Variants in MYPN observed in about 807,000 individuals in gnomAD.
MYPN encodes the protein myopalladin.
MYPN carries 63 observed loss-of-function variants against 129.4 expected under a neutral mutation model. The observed-to-expected ratio is 0.49, with a 90% CI of 0.40 to 0.60. MYPN has a LOEUF of 0.60. Among genes scored for constraint, MYPN ranks in the 20% least tolerant of loss-of-function variants. MYPN has a pLI of 0.00. For synonymous variants in MYPN, 629 were observed against 600.9 expected (o/e 1.05, Z -0.68); for missense variants, 1,596 against 1,635.4 (o/e 0.98, Z 0.42).
Position 68,089,700 on chromosome 10 carries a change from C to T in MYPN, c.-2+1708C>T, listed in dbSNP as rs557333872. Among the ~76,000 whole-genome samples, 6 of 152,186 alleles carry T rather than the reference C, an allele frequency of 3.9e-5. No individual in the cohort carries two copies. The South Asian group carries it at 8.3e-4, about 21-fold the overall frequency. ...GTGTGCGAGAAGAGAGAAGAGAAGC[C>T]TCTTTTGTTGTTGAAGTATCAACTG... On this transcript the variant is annotated intron_variant, in intron 1 of 6. Transcript: ENST00000685154.
upstream of MYPN, among the ~76,000 whole-genome samples, chr10:68,105,732 T>C (rs2042006874): frequency 1.3e-5 from 2 of 152,228 alleles, no homozygotes; most frequent in East Asian, 1.9e-4. Flanking sequence ...TGTTTTTTCG[T>C]ATTTACCTTA....
At chr10:68,129,324 C>A (rs545247221) in intron 2 of MYPN, among the ~76,000 whole-genome samples, 1 of 152,240 alleles carries the variant, frequency 6.6e-6, no homozygotes, top group African/African-American at 2.4e-5. Flanking sequence ...ATATTAGTAA[C>A]TTTTACATGT....
rs552188343 is a variant in MYPN at position 68,166,777 on chromosome 10, C to T, written c.1973+111C>T. 3.1e-3 allele frequency: 4,478 copies of T among 1,451,462 alleles called. 16 individuals carry two copies. Among genetic ancestry groups the T allele is most frequent in the Non-Finnish European group, 3.7e-3 (3,870 of 1,058,710 alleles). The allele number at this position is 1,451,462 out of a possible 1,614,324, so 89.9% of individuals were successfully genotyped here. On this transcript the variant is annotated intron_variant, in intron 10 of 19. Coordinates refer to ENST00000358913, the MANE Select transcript of MYPN (RefSeq NM_032578.4). ...GGCACAGTTGCTCACACCTGTAATC[C>T]GAGCACTTTGGGAGGCTGAGGCAGG...
At chr10:68,172,929 C>T (rs879665452) in intron 10 of MYPN, among the ~76,000 whole-genome samples, 7 of 151,882 alleles carry the variant, frequency 4.6e-5, no homozygotes, top group African/African-American at 9.7e-5. Flanking sequence ...AAAAATTAGC[C>T]GGGCATGGTG....
rs2043928299 is a variant in MYPN at position 68,212,013 on chromosome 10, A to C, written c.*1558A>C. 1 of 357,134 alleles carries C rather than the reference A, an allele frequency of 2.8e-6. No homozygotes were observed. The highest frequency in any genetic ancestry group is 2.2e-5 in the African/African-American group (1 of 46,062). 22.1% of individuals were successfully genotyped at this position (357,134 alleles called of 1,614,324 possible). A position where few individuals can be genotyped will look rare whatever the true frequency, so the allele number is the denominator to read the frequency against. On this transcript the variant is annotated 3_prime_UTR_variant, in exon 20 of 20. Coordinates refer to ENST00000358913, the MANE Select transcript of MYPN (RefSeq NM_032578.4). ...GCATAAAAATAAATTCATTCACTGG[A>C]GAAATCATTTGTATGTCTACTCTGT...
chr10:68,205,516 CAAA>C (rs35907393), intron 18 of MYPN, among the ~76,000 whole-genome samples: 13 of 134,638 alleles, frequency 9.7e-5, no homozygotes, highest in Admixed American at 1.5e-4. Context: ...CTATTTCTAC[CAAA>C]AAAAAAAAAA....
rs189478865 is a variant in MYPN, at chr10:68,188,956, C to T, written c.2755C>T (p.Arg919Cys). Residue 919 changes from arginine to cysteine, a missense_variant, in exon 13 of 20, where the codon CGC becomes TGC. By Grantham distance (180) the Arg-to-Cys change is radical (BLOSUM62 -3). Coordinates refer to ENST00000358913, the MANE Select transcript of MYPN (RefSeq NM_032578.4). Reference protein sequence around the residue: ...EQRLMNEIEFRLERTPVDESD... With the variant: ...EQRLMNEIEFCLERTPVDESD... ...GAGGCTGATGAATGAAATAGAGTTT[C>T]GCTTGGAACGTACTCCTGTTGATGA... 2 of 1,614,120 alleles carry T rather than the reference C, an allele frequency of 1.2e-6. No individual in the cohort carries two copies. The highest frequency in any genetic ancestry group is 1.7e-5 in the Admixed American group (1 of 59,998).
intron 2 of MYPN, among the ~76,000 whole-genome samples, chr10:68,136,429 A>G (rs2042488139): frequency 6.6e-6 from 1 of 152,232 alleles, no homozygotes; most frequent in African/African-American, 2.4e-5. Context: ...CTATGAAAGC[A>G]TTCCCTAACA....
At chr10:68,193,450 A>G (rs1416799356) in intron 13 of MYPN, among the ~76,000 whole-genome samples, 1 of 152,178 alleles carries the variant, frequency 6.6e-6, no homozygotes, top group Non-Finnish European at 1.5e-5. Context: ...TGTCTGCTTA[A>G]TATCTATTTA....
intron 1 of MYPN, among the ~76,000 whole-genome samples, chr10:68,090,194 A>C (rs1458745250): frequency 1.3e-5 from 2 of 151,902 alleles, no homozygotes; most frequent in Non-Finnish European, 2.9e-5. Flanking sequence ...ACAAAGTCTC[A>C]CTCTGTCACC....
chr10:68,180,164 G>T (rs1378687479), intron 12 of MYPN, among the ~76,000 whole-genome samples: 1 of 152,044 alleles, frequency 6.6e-6, no homozygotes, highest in Non-Finnish European at 1.5e-5. Flanking sequence ...AGTGATGTTA[G>T]ATAAATGGCA....
intron 10 of MYPN, among the ~76,000 whole-genome samples, chr10:68,168,446 G>T (rs1020023641): frequency 6.6e-6 from 1 of 152,202 alleles, no homozygotes; most frequent in African/African-American, 2.4e-5. Context: ...ATTTAAAGAG[G>T]TTTATTCTAA....
Position 68,118,996 on chromosome 10 carries a change from A to G in MYPN, c.-1-2442A>G, listed in dbSNP as rs561355314. On this transcript the variant is annotated intron_variant, in intron 1 of 19. Transcript: ENST00000358913. ...AGAAAGCCATCCTGATTTATAAGGCACTTAATTTCCCCCCCATCTAAACAG... is the reference window on the plus strand; with the variant it reads ...AGAAAGCCATCCTGATTTATAAGGCGCTTAATTTCCCCCCCATCTAAACAG... Among the ~76,000 whole-genome samples the G allele has an allele frequency of 2.6e-5, 4 of 152,288 alleles. No homozygotes were observed. The South Asian group carries it at 6.2e-4, about 24-fold the overall frequency.
In MYPN at chr10:68,211,381, AG is replaced by A. The variant is rs3217542; in HGVS notation, c.*927del. 0.33 allele frequency: 151,362 copies of A among 453,804 alleles called. 26,953 individuals are homozygous for A. Among genetic ancestry groups the A allele is most frequent in the East Asian group, 0.66 (9,502 of 14,352 alleles). 28.1% of individuals were successfully genotyped at this position (453,804 alleles called of 1,614,324 possible). A position where few individuals can be genotyped will look rare whatever the true frequency, so the allele number is the denominator to read the frequency against. On this transcript the variant is annotated 3_prime_UTR_variant, in exon 20 of 20. Coordinates refer to ENST00000358913, the MANE Select transcript of MYPN (RefSeq NM_032578.4). The stretch of plus-strand genomic sequence containing the variant: ...AAGTCTGAAAGTGTAGGAGGAAGGA[AG>A]AGATACAAACAAGGAGAGGAAATGA...
Position 68,172,180 on chromosome 10 carries a change from C to A in MYPN, c.1974-1886C>A, listed in dbSNP as rs530028216. On this transcript the variant is annotated intron_variant, in intron 10 of 19. Coordinates refer to ENST00000358913, the MANE Select transcript of MYPN (RefSeq NM_032578.4). Reference sequence around the variant, plus strand: ...ACCAGCCTGGGCAACATGACGAGACCCCCAACTCTACAAAAAATATAAAAA... The same window carrying A: ...ACCAGCCTGGGCAACATGACGAGACACCCAACTCTACAAAAAATATAAAAA... 1.1e-3 allele frequency among the ~76,000 whole-genome samples: 164 copies of A among 152,002 alleles called. 1 individual carries two copies. Among genetic ancestry groups the A allele is most frequent in the African/African-American group, 3.9e-3 (160 of 41,442 alleles).
chr10:68,125,358 G>A (rs1387962727), intron 2 of MYPN, among the ~76,000 whole-genome samples: 2 of 152,178 alleles, frequency 1.3e-5, no homozygotes, highest in African/African-American at 4.8e-5. Context: ...TAGGAAATTA[G>A]TAGGTATATG....
chr10:68,156,635 G>A (rs2042879504), intron 6 of MYPN, among the ~76,000 whole-genome samples: 1 of 152,194 alleles, frequency 6.6e-6, no homozygotes, highest in Non-Finnish European at 1.5e-5. Context: ...CTAATGCTAT[G>A]TGGTTTTCCC....
intron 12 of MYPN, among the ~76,000 whole-genome samples, chr10:68,187,688 A>T (rs946625121): frequency 3.3e-5 from 5 of 152,138 alleles, no homozygotes; most frequent in Admixed American, 2.6e-4. Flanking sequence ...CCAGGCTTGG[A>T]GATATGGATT....
chr10:68,159,156 AT>A (rs2042932710), intron 7 of MYPN, among the ~76,000 whole-genome samples: 1 of 152,216 alleles, frequency 6.6e-6, no homozygotes, highest in African/African-American at 2.4e-5. Flanking sequence ...GTTGAACTAA[AT>A]TTAGGATGGT....
Sources: gnomAD v4.1 joint callset for allele counts (sites outside exome capture counted in the v4.1 genomes callset) on GRCh38, gnomAD v4.1.1 for gene constraint, MANE v1.5 for transcripts, NCBI Gene and HGNC (gene_info 2026-07-23, HGNC 2026-07-21) for gene names.